MAP4K4: variants seen among roughly 807,000 people sequenced by gnomAD.
The protein encoded by MAP4K4 is HPK/GCK-like kinase HGK.
Under a neutral mutation model 189.6 loss-of-function variants are expected in MAP4K4, and 38 were observed. That is an observed-to-expected ratio of 0.20 (90% CI 0.15 to 0.26). MAP4K4 has a LOEUF of 0.26. Ranked by LOEUF, MAP4K4 falls within the 10% of genes least tolerant of loss-of-function variation. The pLI is 1.00. For missense variants in MAP4K4, 1,054 were observed against 1,726.9 expected (o/e 0.61, Z 6.91); for synonymous variants, 610 against 624.3 (o/e 0.98, Z 0.34).
At chr2:101,894,611 T>G (rs1474598685) in exon 33 of MAP4K4, 2 of 152,678 alleles carry the variant, frequency 1.3e-5, no homozygotes, top group Non-Finnish European at 2.9e-5. Context: ...TTTGCAGTGC[T>G]AACTTGTCTA....
chr2:101,808,947 G>A (rs576268693), intron 3 of MAP4K4, among the ~76,000 whole-genome samples: 1 of 152,260 alleles, frequency 6.6e-6, no homozygotes, highest in South Asian at 2.1e-4. Flanking sequence ...TGTATTTCCA[G>A]TCTTTGCGGA....
At chr2:101,737,249 G>T (rs2060592400) in intron 2 of MAP4K4, among the ~76,000 whole-genome samples, 1 of 151,626 alleles carries the variant, frequency 6.6e-6, no homozygotes, top group South Asian at 2.1e-4. Flanking sequence ...TGAAAATGGG[G>T]CCAGAGCTGT....
intron 3 of MAP4K4, among the ~76,000 whole-genome samples, chr2:101,821,477 A>G (rs562948600): frequency 3.3e-5 from 5 of 152,324 alleles, no homozygotes; most frequent in South Asian, 2.1e-4. Context: ...AGTGTAGGCA[A>G]TTGTAAAATA....
intron 2 of MAP4K4, among the ~76,000 whole-genome samples, chr2:101,709,531 GTTTC>G (rs1245361316): frequency 5.3e-5 from 8 of 152,132 alleles, no homozygotes; most frequent in Non-Finnish European, 8.8e-5. Context: ...CAAGAATACA[GTTTC>G]TTTCTTATCG....
chr2:101,850,242 T>G (rs1319247122), intron 12 of MAP4K4, among the ~76,000 whole-genome samples: 2 of 151,986 alleles, frequency 1.3e-5, no homozygotes. Flanking sequence ...AAGTTAAATT[T>G]TAGAGGGGCG....
intron 2 of MAP4K4, among the ~76,000 whole-genome samples, chr2:101,762,507 C>G (rs144536365): frequency 3.3e-5 from 5 of 152,280 alleles, no homozygotes; most frequent in African/African-American, 1.2e-4. Context: ...CCCTCATACT[C>G]CCATTCAACC....
exon 1 of MAP4K4, chr2:101,697,743 CGGGCCCGTCCTCGAGGCGCGCGGCGCG>C (rs1323462735): frequency 3.4e-5 from 5 of 146,428 alleles, no homozygotes; most frequent in Admixed American, 2.0e-4. Flanking sequence ...CCCCACGCTC[CGGGCCCGTCCTCGAGGCGCGCGGCGCG>C]GGGCGCGGGC....
chr2:101,781,630 C>G (rs2087532442), intron 2 of MAP4K4, among the ~76,000 whole-genome samples: 1 of 152,114 alleles, frequency 6.6e-6, no homozygotes, highest in Non-Finnish European at 1.5e-5. Flanking sequence ...CCTTTTTACT[C>G]CTCCCTCCTG....
chr2:101,760,151 T>C (rs2075565815), intron 2 of MAP4K4, among the ~76,000 whole-genome samples: 1 of 152,044 alleles, frequency 6.6e-6, no homozygotes, highest in African/African-American at 2.4e-5. Flanking sequence ...AGCCAGCTTT[T>C]TCTTTTTCTT....
intron 2 of MAP4K4, among the ~76,000 whole-genome samples, chr2:101,757,188 A>G (rs1396081738): frequency 6.6e-6 from 1 of 152,212 alleles, no homozygotes; most frequent in African/African-American, 2.4e-5. Context: ...TACAATTACA[A>G]TGTCATCAGA....
intron 2 of MAP4K4, among the ~76,000 whole-genome samples, chr2:101,743,025 A>G (rs1574699277): frequency 6.6e-6 from 1 of 152,184 alleles, no homozygotes; most frequent in Non-Finnish European, 1.5e-5. Context: ...AAATCTGTTT[A>G]TATTCAGTTC....
chr2:101,741,164 A>AT (rs11341237), intron 2 of MAP4K4, among the ~76,000 whole-genome samples: 2,661 of 111,380 alleles, frequency 0.024, 47 homozygotes, highest in Middle Eastern at 0.046. Flanking sequence ...GGTAGTAGGT[A>AT]TTTTTTTTTT....
chr2:101,775,470 T>C (rs1032765350), intron 2 of MAP4K4, among the ~76,000 whole-genome samples: 9 of 151,918 alleles, frequency 5.9e-5, no homozygotes, highest in Non-Finnish European at 1.3e-4. Flanking sequence ...TACCTCCTAT[T>C]TGAGATTGTT....
At chr2:101,810,437 GCCTCTTGC>G in intron 3 of MAP4K4, among the ~76,000 whole-genome samples, 1 of 152,042 alleles carries the variant, frequency 6.6e-6, no homozygotes, top group South Asian at 2.1e-4. Context: ...AACATCATTA[GCCTCTTGC>G]ATTGGACTTG....
intron 15 of MAP4K4, 22 bp downstream of exon 15, chr2:101,859,886 T>G: frequency 6.3e-7 from 1 of 1,574,876 alleles, no homozygotes; most frequent in Non-Finnish European, 8.6e-7. Flanking sequence ...CCTTTGTCAC[T>G]TAGACATTGC....
chr2:101,860,058 T>A, intron 15 of MAP4K4, 194 bp downstream of exon 15: 1 of 625,502 alleles, frequency 1.6e-6, no homozygotes, highest in South Asian at 2.0e-5. Flanking sequence ...GTCAGTGCTT[T>A]TTCCATAAAG....
At chr2:101,770,405 CA>C (rs1197069600) in intron 2 of MAP4K4, among the ~76,000 whole-genome samples, 3 of 152,062 alleles carry the variant, frequency 2.0e-5, no homozygotes, top group Non-Finnish European at 4.4e-5. Context: ...CCTGCCACCA[CA>C]CCCGGCTAAT....
At chr2:101,870,910 AAATG>A (rs1353305061) in intron 23 of MAP4K4, among the ~76,000 whole-genome samples, 5 of 152,170 alleles carry the variant, frequency 3.3e-5, no homozygotes, top group Non-Finnish European at 7.3e-5. Context: ...CTATGTTCCA[AAATG>A]TTAGTTTTCT....
intron 2 of MAP4K4, among the ~76,000 whole-genome samples, chr2:101,713,777 C>T (rs1417833197): frequency 2.0e-5 from 3 of 151,680 alleles, no homozygotes; most frequent in Non-Finnish European, 4.4e-5. Context: ...GCCTGTAATC[C>T]CAGCTACTTG....
Sources: allele counts gnomAD v4.1 joint callset (sites outside exome capture counted in the v4.1 genomes callset), GRCh38; gene constraint gnomAD v4.1.1; transcripts MANE v1.5; gene names NCBI Gene and HGNC (gene_info 2026-07-23, HGNC 2026-07-21).